The following KATNBL1 variants were observed in gnomAD, a reference collection of about 807,000 sequenced individuals.
KATNBL1 encodes KATNB1-like protein 1.
Under a neutral mutation model 44.7 loss-of-function variants are expected in KATNBL1, and 28 were observed. That is an observed-to-expected ratio of 0.63 (90% CI 0.46 to 0.86). The LOEUF (loss-of-function observed/expected upper bound fraction) is 0.86. KATNBL1 is among the 40% of genes least tolerant of loss of function. The pLI is 0.00. For synonymous variants in KATNBL1, 78 were observed against 114.9 expected (o/e 0.68, Z 2.06); for missense variants, 272 against 350.7 (o/e 0.78, Z 1.79).
intron 1 of KATNBL1, among the ~76,000 whole-genome samples, chr15:34,191,775 G>A (rs1402406746): frequency 1.3e-5 from 2 of 151,610 alleles, no homozygotes; most frequent in African/African-American, 2.4e-5. Flanking sequence ...GTGAAACCCC[G>A]TTTCTATTAA....
chr15:34,166,092 T>G lies in KATNBL1; in HGVS notation c.-14-2402A>C, dbSNP rs530629768. The G allele has an allele frequency of 3.2e-4, 49 of 152,536 alleles. 1 individual carries two copies. In the South Asian group the frequency reaches 0.01, roughly 32 times the overall value. 9.4% of individuals were successfully genotyped at this position (152,536 alleles called of 1,614,324 possible). A position where few individuals can be genotyped will look rare whatever the true frequency, so the allele number is the denominator to read the frequency against. ...CATCTCACTGGGACTGGCTGGACAG[T>G]GGATGCAGCCTACAGAGGGCGAGCT... On this transcript the variant is annotated intron_variant, in intron 1 of 9. Transcript: ENST00000256544.
chr15:34,148,873 C>T lies in KATNBL1; in HGVS notation c.439-123G>A, dbSNP rs550362152. 5.6e-5 allele frequency: 33 copies of T among 587,552 alleles called. No homozygotes were observed. In the South Asian group the frequency reaches 6.6e-4, roughly 12 times the overall value. The allele number at this position is 587,552 out of a possible 1,614,324, so 36.4% of individuals were successfully genotyped here. Reference sequence around the variant, plus strand: ...TGCAAAAGTAACTCCTTTTACTAGCCCACAAAAAGGAATACTGCAGTTGAC... The same window carrying T: ...TGCAAAAGTAACTCCTTTTACTAGCTCACAAAAAGGAATACTGCAGTTGAC... On this transcript the variant is annotated intron_variant, in intron 4 of 9. Coordinates refer to ENST00000256544, the MANE Select transcript of KATNBL1 (RefSeq NM_024713.3).
intron 1 of KATNBL1, chr15:34,177,904 C>A (rs1889384473): frequency 6.6e-6 from 1 of 152,212 alleles, no homozygotes; most frequent in Admixed American, 6.5e-5. Context: ...AAGAAACTTT[C>A]TCCTCCAGTT....
chr15:34,176,422 A>G (rs1333756730), intron 1 of KATNBL1, among the ~76,000 whole-genome samples: 1 of 152,214 alleles, frequency 6.6e-6, no homozygotes, highest in Non-Finnish European at 1.5e-5. Flanking sequence ...ATGTTTGAAT[A>G]CTATGTTAAG....
chr15:34,181,478 C>T (rs1889521972), intron 1 of KATNBL1, among the ~76,000 whole-genome samples: 1 of 150,508 alleles, frequency 6.6e-6, no homozygotes, highest in Admixed American at 6.7e-5. Context: ...TAATTAGAGA[C>T]ATTACTATTA....
chr15:34,188,353 C>T (rs550589850), intron 1 of KATNBL1, among the ~76,000 whole-genome samples: 6 of 150,658 alleles, frequency 4.0e-5, no homozygotes, highest in African/African-American at 9.8e-5. Context: ...GCCAGGAGTT[C>T]GAGATCAGCC....
chr15:34,154,518 A>G, intron 3 of KATNBL1, 126 bp downstream of exon 3: 1 of 700,376 alleles, frequency 1.4e-6, no homozygotes, highest in Non-Finnish European at 2.6e-6. Flanking sequence ...AGATACTGGC[A>G]TAAAGAAGCT....
At chr15:34,168,039 G>T (rs572087549) in intron 1 of KATNBL1, among the ~76,000 whole-genome samples, 41 of 152,132 alleles carry the variant, frequency 2.7e-4, no homozygotes, top group African/African-American at 9.6e-4. Context: ...ATTAACAGGT[G>T]AAATAACTAG....
At chr15:34,162,985 A>T (rs1224659875) in intron 2 of KATNBL1, among the ~76,000 whole-genome samples, 1 of 151,890 alleles carries the variant, frequency 6.6e-6, no homozygotes, top group Non-Finnish European at 1.5e-5. Context: ...CACCTCTGGA[A>T]TTCCTCTTTA....
Position 34,142,268 on chromosome 15 carries a change from T to G in KATNBL1, c.*71A>C. ...CAGTTCACAGTTCTCAGACGAGACTTTTTTTTTTTGTAAATTATACAGTTC... is the reference window on the plus strand; with the variant it reads ...CAGTTCACAGTTCTCAGACGAGACTGTTTTTTTTTGTAAATTATACAGTTC... On this transcript the variant is annotated 3_prime_UTR_variant, in exon 10 of 10. Coordinates refer to ENST00000256544, the MANE Select transcript of KATNBL1 (RefSeq NM_024713.3). The G allele has an allele frequency of 9.0e-7, 1 of 1,115,080 alleles. No individual in the cohort carries two copies. Among genetic ancestry groups the G allele is most frequent in the Non-Finnish European group, 1.1e-6 (1 of 873,344 alleles). The allele number at this position is 1,115,080 out of a possible 1,614,324, so 69.1% of individuals were successfully genotyped here.
chr15:34,181,439 T>C (rs1200106185), intron 1 of KATNBL1, among the ~76,000 whole-genome samples: 1 of 151,562 alleles, frequency 6.6e-6, no homozygotes, highest in Non-Finnish European at 1.5e-5. Context: ...CGTATTAATC[T>C]TTCACCTCTT....
chr15:34,206,832 C>T (rs1274088163), intron 1 of KATNBL1, among the ~76,000 whole-genome samples: 1 of 151,834 alleles, frequency 6.6e-6, no homozygotes, highest in African/African-American at 2.4e-5. Context: ...TACACCCTTC[C>T]AATTTAAAAA....
chr15:34,164,397 A>C (rs1271270552), intron 1 of KATNBL1, among the ~76,000 whole-genome samples: 1 of 152,226 alleles, frequency 6.6e-6, no homozygotes, highest in Non-Finnish European at 1.5e-5. Flanking sequence ...CACTGGGTCA[A>C]AACAACCCTA....
At chr15:34,182,981 G>C (rs1289582459) in intron 1 of KATNBL1, among the ~76,000 whole-genome samples, 2 of 149,562 alleles carry the variant, frequency 1.3e-5, no homozygotes, top group Non-Finnish European at 3.0e-5. Flanking sequence ...AAATAAATTG[G>C]GGCACACAGC....
chr15:34,157,991 G>A (rs1469827368), intron 2 of KATNBL1, among the ~76,000 whole-genome samples: 1 of 152,184 alleles, frequency 6.6e-6, no homozygotes, highest in Non-Finnish European at 1.5e-5. Flanking sequence ...AATGAGTAAG[G>A]TGATCTACTA....
At chr15:34,167,711 C>A (rs1346299393) in intron 1 of KATNBL1, among the ~76,000 whole-genome samples, 1 of 152,022 alleles carries the variant, frequency 6.6e-6, no homozygotes, top group Non-Finnish European at 1.5e-5. Context: ...GTCAGGTTAC[C>A]CACAAAGGGA....
intron 1 of KATNBL1, among the ~76,000 whole-genome samples, chr15:34,165,571 C>A (rs530713157): frequency 1.3e-5 from 2 of 151,940 alleles, no homozygotes; most frequent in East Asian, 1.9e-4. Context: ...CTGAGGCAGG[C>A]GGATCACCTG....
At chr15:34,181,126 T>A (rs919763854) in intron 1 of KATNBL1, among the ~76,000 whole-genome samples, 3 of 152,076 alleles carry the variant, frequency 2.0e-5, no homozygotes, top group African/African-American at 7.2e-5. Flanking sequence ...ACTACAGAAT[T>A]TCCAAAGTAG....
intron 9 of KATNBL1, 182 bp downstream of exon 9, chr15:34,145,216 G>C: frequency 7.2e-7 from 1 of 1,386,536 alleles, no homozygotes; most frequent in Non-Finnish European, 9.6e-7. Flanking sequence ...GCCAATTCCT[G>C]TGCTTGCTGC....
Sources: allele counts gnomAD v4.1 joint callset (sites outside exome capture counted in the v4.1 genomes callset), GRCh38; gene constraint gnomAD v4.1.1; transcripts MANE v1.5; gene names NCBI Gene and HGNC (gene_info 2026-07-23, HGNC 2026-07-21).